Variants in CNTN4 observed in about 807,000 individuals in gnomAD.
The protein encoded by CNTN4 is contactin 4, also known as contactin-4.
In CNTN4, 77 loss-of-function variants were observed where a neutral mutation model predicts 122.5. That is an observed-to-expected ratio of 0.63 (90% CI 0.52 to 0.76). CNTN4 has a LOEUF of 0.76. CNTN4 is among the 30% of genes least tolerant of loss of function. CNTN4 has a pLI of 0.00. For synonymous variants in CNTN4, 512 were observed against 447.0 expected (o/e 1.15, Z -1.83); for missense variants, 1,256 against 1,259.1 (o/e 1.00, Z 0.04).
At chr3:2,906,850 A>G (rs2094240197) in intron 12 of CNTN4, among the ~76,000 whole-genome samples, 1 of 151,742 alleles carries the variant, frequency 6.6e-6, no homozygotes, top group Non-Finnish European at 1.5e-5. Context: ...TTCTCAAAAA[A>G]AAAAAAAAAG....
intron 12 of CNTN4, among the ~76,000 whole-genome samples, chr3:2,916,144 G>A (rs1053196808): frequency 1.3e-5 from 2 of 152,148 alleles, no homozygotes; most frequent in African/African-American, 2.4e-5. Context: ...TACTGTACAT[G>A]TAAACATTGT....
intron 2 of CNTN4, among the ~76,000 whole-genome samples, chr3:2,287,731 AAGAAGAAGAAGAAG>A (rs2041985267): frequency 9.5e-6 from 1 of 105,514 alleles, no homozygotes; most frequent in Non-Finnish European, 2.1e-5. Flanking sequence ...GAAGAAGAAG[AAGAAGAAGAAGAAG>A]AAGAAGAAGA....
At chr3:3,000,330 G>T (rs1695914745) in intron 14 of CNTN4, among the ~76,000 whole-genome samples, 1 of 151,690 alleles carries the variant, frequency 6.6e-6, no homozygotes, top group Admixed American at 6.6e-5. Flanking sequence ...GTGACAACTG[G>T]GATGATAGGA....
At chr3:2,245,165 G>C (rs1280822684) in intron 2 of CNTN4, among the ~76,000 whole-genome samples, 1 of 151,956 alleles carries the variant, frequency 6.6e-6, no homozygotes, top group African/African-American at 2.4e-5. Flanking sequence ...CTCCTCCTAT[G>C]TATTTAATAA....
chr3:2,331,696 G>C (rs2043728912), intron 2 of CNTN4, among the ~76,000 whole-genome samples: 1 of 152,088 alleles, frequency 6.6e-6, no homozygotes, highest in Non-Finnish European at 1.5e-5. Flanking sequence ...TTCATTCCTT[G>C]TCTATGAGGA....
At chr3:2,956,823 A>C (rs1236646650) in intron 13 of CNTN4, among the ~76,000 whole-genome samples, 1 of 152,124 alleles carries the variant, frequency 6.6e-6, no homozygotes, top group East Asian at 1.9e-4. Flanking sequence ...CCTAGCAACC[A>C]TGGCTCTACT....
chr3:2,791,646 T>A (rs965328208), intron 6 of CNTN4, among the ~76,000 whole-genome samples: 4 of 152,194 alleles, frequency 2.6e-5, no homozygotes, highest in Non-Finnish European at 4.4e-5. Context: ...TTTTCTCAGC[T>A]ACTGTAATAA....
At chr3:2,887,366 A>AT in intron 10 of CNTN4, 142 bp downstream of exon 10, 1 of 776,192 alleles carries the variant, frequency 1.3e-6, no homozygotes. Flanking sequence ...CTCCATAATC[A>AT]GCCCTGGTTG....
At chr3:2,629,092 C>G (rs1174029701) in intron 4 of CNTN4, among the ~76,000 whole-genome samples, 1 of 152,170 alleles carries the variant, frequency 6.6e-6, no homozygotes, top group Non-Finnish European at 1.5e-5. Context: ...TGTCCCCCCT[C>G]AAATTGAAGC....
chr3:2,382,904 A>G (rs2046081419), intron 3 of CNTN4, among the ~76,000 whole-genome samples: 2 of 152,014 alleles, frequency 1.3e-5, no homozygotes, highest in Admixed American at 6.6e-5. Flanking sequence ...TGAAACCCCC[A>G]TCTCTACTAA....
At position 2,340,667 on chromosome 3, in the gene CNTN4, A is replaced by C. The variant is rs376397262; in HGVS notation, c.-89+1434A>C. ...TGCACTGTAGCCTGGGTGACAGAGC[A>C]AGACCTTGTCATAAATTTTATATAT... On this transcript the variant is annotated intron_variant, in intron 3 of 24. Coordinates refer to ENST00000418658, the MANE Select transcript of CNTN4 (RefSeq NM_175607.3). Among the ~76,000 whole-genome samples the C allele has an allele frequency of 1.1e-3, 151 of 134,858 alleles. 1 individual carries two copies. Among genetic ancestry groups the C allele is most frequent in the African/African-American group, 3.8e-3 (141 of 36,654 alleles). 88.5% of individuals were successfully genotyped at this position (134,858 alleles called of 152,430 possible).
chr3:2,597,720 G>A (rs540201845), intron 4 of CNTN4, among the ~76,000 whole-genome samples: 8 of 152,242 alleles, frequency 5.3e-5, no homozygotes, highest in African/African-American at 4.8e-5. Flanking sequence ...ATGCGCACAC[G>A]TCAGGGGAGC....
chr3:2,553,302 G>A (rs1051763097), intron 3 of CNTN4, among the ~76,000 whole-genome samples: 1 of 152,144 alleles, frequency 6.6e-6, no homozygotes, highest in African/African-American at 2.4e-5. Context: ...TCATTCCGGG[G>A]CATGTGCTAT....
chr3:2,297,937 G>T (rs2042374412), intron 2 of CNTN4, among the ~76,000 whole-genome samples: 1 of 152,062 alleles, frequency 6.6e-6, no homozygotes, highest in South Asian at 2.1e-4. Flanking sequence ...TCACTATGTT[G>T]CCCAGGCTAG....
intron 11 of CNTN4, 49 bp from the exon 12 acceptor site, chr3:2,902,827 T>G: frequency 6.3e-6 from 10 of 1,591,094 alleles, no homozygotes; most frequent in Non-Finnish European, 8.6e-6. Flanking sequence ...TGCCTTAAAG[T>G]CTCAGTTGTA....
intron 4 of CNTN4, among the ~76,000 whole-genome samples, chr3:2,731,641 C>T (rs2088693023): frequency 6.6e-6 from 1 of 152,302 alleles, no homozygotes; most frequent in East Asian, 1.9e-4. Context: ...ATTGCCTTCC[C>T]CTCCTCTAAT....
intron 6 of CNTN4, among the ~76,000 whole-genome samples, chr3:2,807,558 AAAG>A (rs1206901644): frequency 6.6e-6 from 1 of 152,044 alleles, no homozygotes; most frequent in Non-Finnish European, 1.5e-5. Flanking sequence ...CTTTATACTC[AAAG>A]AAGATGGAAA....
At chr3:2,307,794 A>T (rs975240369) in intron 2 of CNTN4, among the ~76,000 whole-genome samples, 1 of 134,326 alleles carries the variant, frequency 7.4e-6, no homozygotes, top group East Asian at 2.5e-4. Flanking sequence ...TACTTGAATA[A>T]TCTGTTGTGG....
Position 3,043,493 on chromosome 3 carries a change from T to C in CNTN4, c.2699-99T>C, listed in dbSNP as rs1056202658. ...AGACACATATTAGTGCAATAGCCCA[T>C]TAAATTGCCTCCACTCTCGAATTCT... On this transcript the variant is annotated intron_variant, in intron 22 of 24. Transcript: ENST00000418658. 7.8e-6 allele frequency: 7 copies of C among 893,986 alleles called. No homozygotes were observed. The African/African-American group carries it at 1.2e-4, about 15-fold the overall frequency. The allele number at this position is 893,986 out of a possible 1,614,324, so 55.4% of individuals were successfully genotyped here. A position where few individuals can be genotyped will look rare whatever the true frequency, so the allele number is the denominator to read the frequency against.
Sources: gnomAD v4.1 joint callset for allele counts (sites outside exome capture counted in the v4.1 genomes callset) on GRCh38, gnomAD v4.1.1 for gene constraint, MANE v1.5 for transcripts, NCBI Gene and HGNC (gene_info 2026-07-23, HGNC 2026-07-21) for gene names.